GPC5: variants seen among roughly 807,000 people sequenced by gnomAD.
GPC5 encodes glypican-5.
Under a neutral mutation model 53.9 loss-of-function variants are expected in GPC5, and 47 were observed. That is an observed-to-expected ratio of 0.87 (90% CI 0.69 to 1.11). The LOEUF (loss-of-function observed/expected upper bound fraction) is 1.11, where lower values mean the gene tolerates loss of function less well. GPC5 is among the 50% of genes most tolerant of loss of function. The pLI is 0.00. For synonymous variants in GPC5, 286 were observed against 263.3 expected (o/e 1.09, Z -0.84); for missense variants, 748 against 713.1 (o/e 1.05, Z -0.56).
chr13:92,051,865 C>T (rs1735883432), intron 6 of GPC5, among the ~76,000 whole-genome samples: 1 of 152,312 alleles, frequency 6.6e-6, no homozygotes, highest in East Asian at 1.9e-4. Context: ...GGAAAGAGAA[C>T]ATTGATGGCA....
intron 7 of GPC5, among the ~76,000 whole-genome samples, chr13:92,479,642 CA>C (rs534375416): frequency 1.1e-3 from 162 of 152,224 alleles, no homozygotes; most frequent in Admixed American, 5.3e-3. Flanking sequence ...ATGAGTGTAA[CA>C]GAATGAAATT....
intron 7 of GPC5, among the ~76,000 whole-genome samples, chr13:92,693,841 G>A (rs1428919945): frequency 6.6e-6 from 1 of 152,132 alleles, no homozygotes; most frequent in Non-Finnish European, 1.5e-5. Context: ...TAATAGCCAA[G>A]ACAATGGAGA....
At chr13:92,222,144 C>T (rs1486232740) in intron 7 of GPC5, among the ~76,000 whole-genome samples, 1 of 152,108 alleles carries the variant, frequency 6.6e-6, no homozygotes, top group Non-Finnish European at 1.5e-5. Flanking sequence ...TATCTCCGAT[C>T]AATTCTATAA....
intron 6 of GPC5, among the ~76,000 whole-genome samples, chr13:91,925,271 T>C (rs1378088556): frequency 6.6e-6 from 1 of 152,044 alleles, no homozygotes; most frequent in South Asian, 2.1e-4. Context: ...TGAATGAAAA[T>C]CATAATTACC....
chr13:91,820,173 C>G (rs1439468558), intron 5 of GPC5, among the ~76,000 whole-genome samples: 1 of 151,984 alleles, frequency 6.6e-6, no homozygotes, highest in Non-Finnish European at 1.5e-5. Flanking sequence ...TATTCTCTTA[C>G]ATTATGGTTT....
chr13:92,178,570 G>A (rs928822744), intron 7 of GPC5, among the ~76,000 whole-genome samples: 38 of 151,826 alleles, frequency 2.5e-4, no homozygotes, highest in African/African-American at 8.9e-4. Flanking sequence ...TCCTTAAAAT[G>A]TGTTAATATT....
chr13:92,015,822 AAATG>A (rs1238349236), intron 6 of GPC5, among the ~76,000 whole-genome samples: 1 of 152,260 alleles, frequency 6.6e-6, no homozygotes. Flanking sequence ...CCAAGCAGAT[AAATG>A]AATGAATAGA....
intron 2 of GPC5, among the ~76,000 whole-genome samples, chr13:91,635,972 TC>T (rs1334539585): frequency 6.6e-6 from 1 of 152,152 alleles, no homozygotes; most frequent in Non-Finnish European, 1.5e-5. Context: ...ATAGTTTTTT[TC>T]ATTACAGTTT....
At chr13:91,744,823 G>A (rs985256569) in intron 4 of GPC5, among the ~76,000 whole-genome samples, 1 of 152,024 alleles carries the variant, frequency 6.6e-6, no homozygotes, top group African/African-American at 2.4e-5. Flanking sequence ...CTAAAATACT[G>A]AATCTCAAAC....
intron 4 of GPC5, among the ~76,000 whole-genome samples, chr13:91,735,325 A>T (rs1235030666): frequency 6.6e-6 from 1 of 151,140 alleles, no homozygotes; most frequent in African/African-American, 2.5e-5. Flanking sequence ...AAAAACCCTA[A>T]AACAGTCCAT....
At chr13:92,242,815 G>A (rs1356251162) in intron 7 of GPC5, among the ~76,000 whole-genome samples, 14 of 151,912 alleles carry the variant, frequency 9.2e-5, no homozygotes, top group Admixed American at 7.2e-4. Flanking sequence ...AAAGAGTTAC[G>A]GTCTTTATAT....
intron 7 of GPC5, among the ~76,000 whole-genome samples, chr13:92,699,512 G>A (rs990869579): frequency 3.3e-5 from 5 of 152,176 alleles, no homozygotes; most frequent in Admixed American, 6.5e-5. Context: ...TCTTTTAAAT[G>A]TGATGTTAGG....
chr13:92,349,222 C>T (rs1166598973), intron 7 of GPC5, among the ~76,000 whole-genome samples: 1 of 152,160 alleles, frequency 6.6e-6, no homozygotes, highest in Non-Finnish European at 1.5e-5. Context: ...CGGCTCACTG[C>T]AACCTCCACC....
intron 7 of GPC5, among the ~76,000 whole-genome samples, chr13:92,750,230 T>C (rs1208762809): frequency 3.3e-5 from 5 of 152,040 alleles, no homozygotes; most frequent in Non-Finnish European, 7.4e-5. Flanking sequence ...GAAAAAAAAG[T>C]TTTCTCGCAA....
intron 5 of GPC5, among the ~76,000 whole-genome samples, chr13:91,887,992 G>A (rs1421959715): frequency 1.3e-5 from 2 of 152,120 alleles, no homozygotes; most frequent in African/African-American, 2.4e-5. Flanking sequence ...TATGTTAATG[G>A]CAGTACCCTA....
intron 2 of GPC5, among the ~76,000 whole-genome samples, chr13:91,558,214 G>C (rs772208290): frequency 3.3e-4 from 50 of 152,004 alleles, no homozygotes; most frequent in African/African-American, 1.1e-3. Context: ...GTTACTCTTG[G>C]TAAGTACCAT....
intron 7 of GPC5, among the ~76,000 whole-genome samples, chr13:92,548,989 G>A (rs1882218726): frequency 2.0e-5 from 3 of 152,092 alleles, no homozygotes; most frequent in African/African-American, 7.2e-5. Flanking sequence ...TTAGAGATAA[G>A]CATTTAGAAT....
At chr13:91,416,397 A>G (rs1171007690) in intron 1 of GPC5, among the ~76,000 whole-genome samples, 1 of 152,158 alleles carries the variant, frequency 6.6e-6, no homozygotes, top group Admixed American at 6.5e-5. Context: ...AAGAGTCACA[A>G]TACATATTAG....
At chr13:91,977,932 C>T (rs187205891) in intron 6 of GPC5, among the ~76,000 whole-genome samples, 6 of 136,412 alleles carry the variant, frequency 4.4e-5, no homozygotes, top group South Asian at 2.3e-4. Flanking sequence ...GGAAACATAA[C>T]GAGACCGCCA....
Sources: allele counts gnomAD v4.1 joint callset (sites outside exome capture counted in the v4.1 genomes callset), GRCh38; gene constraint gnomAD v4.1.1; transcripts MANE v1.5; gene names NCBI Gene and HGNC (gene_info 2026-07-23, HGNC 2026-07-21).